The following RALGAPA2 variants were observed in gnomAD, a reference collection of about 807,000 sequenced individuals.
The protein encoded by RALGAPA2 is Ral GTPase activating protein catalytic subunit alpha 2.
A neutral mutation model predicts 230.4 loss-of-function variants in RALGAPA2; 139 were observed. That is an observed-to-expected ratio of 0.60 (90% CI 0.53 to 0.69). RALGAPA2 has a LOEUF of 0.69. RALGAPA2 is among the 30% of genes least tolerant of loss of function. RALGAPA2 has a pLI of 0.00. For synonymous variants in RALGAPA2, 847 were observed against 837.8 expected (o/e 1.01, Z -0.19); for missense variants, 2,163 against 2,276.0 (o/e 0.95, Z 1.01).
At chr20:20,625,077 GCCTATTGGTCTATA>G (rs1051112010) in intron 10 of RALGAPA2, among the ~76,000 whole-genome samples, 1 of 151,988 alleles carries the variant, frequency 6.6e-6, no homozygotes, top group African/African-American at 2.4e-5. Flanking sequence ...ATTTCTGTCT[GCCTATTGGTCTATA>G]CCTGCTTGCT....
rs543476454 is a variant in RALGAPA2 at position 20,640,878 on chromosome 20, T to C, written c.373A>G (p.Ile125Val). Residue 125 changes from isoleucine (I) to valine (V), a missense_variant and splice_region_variant, in exon 6 of 40, where the codon ATA becomes GTA. By Grantham distance (29) the Ile-to-Val change is conservative. Transcript: ENST00000202677. ...KLLHTGNSIKIRCEGIRLFLL... is the reference protein window; with the variant it reads ...KLLHTGNSIKVRCEGIRLFLL... ...AACAGCCTGATTCCTTCACATCTTA[T>C]CTAAAACAAAATTAAAAACAATGAA... is the stretch of plus-strand genomic sequence containing the variant. 53 of 1,602,276 alleles carry C rather than the reference T, an allele frequency of 3.3e-5. No individual in the cohort carries two copies. The South Asian group carries it at 4.9e-4, about 15-fold the overall frequency.
chr20:20,706,016 G>A lies in RALGAPA2; in HGVS notation c.106+6359C>T, dbSNP rs1019727104. Reference sequence around the variant, plus strand: ...CTCTATAGTTTTATATTGATACCCCGTTTGGTAACCAAAAATCAGTACTCT... The same window carrying A: ...CTCTATAGTTTTATATTGATACCCCATTTGGTAACCAAAAATCAGTACTCT... On this transcript the variant is annotated intron_variant, in intron 1 of 39. Transcript: ENST00000202677. Among the ~76,000 whole-genome samples the A allele has an allele frequency of 3.9e-5, 6 of 152,120 alleles. 1 individual carries two copies. The highest frequency in any genetic ancestry group is 6.5e-5 in the Admixed American group (1 of 15,268).
intron 16 of RALGAPA2, among the ~76,000 whole-genome samples, chr20:20,595,054 C>T (rs746365208): frequency 1.3e-5 from 2 of 151,978 alleles, no homozygotes; most frequent in Non-Finnish European, 2.9e-5. Flanking sequence ...TTCGAAACAC[C>T]GAAAAATGAT....
intron 26 of RALGAPA2, among the ~76,000 whole-genome samples, chr20:20,534,361 C>T (rs1456476861): frequency 6.6e-6 from 1 of 151,700 alleles, no homozygotes; most frequent in Non-Finnish European, 1.5e-5. Context: ...AGGAGAATGG[C>T]GTGAACCCGG....
intron 35 of RALGAPA2, among the ~76,000 whole-genome samples, chr20:20,496,332 A>G (rs371580542): frequency 3.3e-5 from 5 of 152,282 alleles, no homozygotes; most frequent in African/African-American, 1.2e-4. Context: ...TGACCGTACC[A>G]TCTCAAGCTG....
At chr20:20,578,313 A>G (rs2064883359) in intron 20 of RALGAPA2, among the ~76,000 whole-genome samples, 1 of 152,124 alleles carries the variant, frequency 6.6e-6, no homozygotes, top group South Asian at 2.1e-4. Flanking sequence ...GGAATTTAAG[A>G]GACTTCAGAC....
At chr20:20,441,418 A>G (rs1200023240) in intron 37 of RALGAPA2, among the ~76,000 whole-genome samples, 1 of 152,212 alleles carries the variant, frequency 6.6e-6, no homozygotes, top group Non-Finnish European at 1.5e-5. Flanking sequence ...CCTTGTTGAA[A>G]CAAACAAACA....
intron 37 of RALGAPA2, among the ~76,000 whole-genome samples, chr20:20,413,985 T>C (rs181381310): frequency 1.3e-3 from 200 of 152,364 alleles, no homozygotes; most frequent in African/African-American, 4.6e-3. Context: ...TGCACAGCAC[T>C]TGGCTGTCGC....
chr20:20,394,560 C>T (rs369419497), intron 39 of RALGAPA2, among the ~76,000 whole-genome samples: 1 of 151,878 alleles, frequency 6.6e-6, no homozygotes, highest in Non-Finnish European at 1.5e-5. Flanking sequence ...GGATTTTGAG[C>T]CTGGGAGGTC....
rs1257439741 is a variant in RALGAPA2 at position 20,512,224 on chromosome 20, T to TACACACACACACACACAC, written c.4856+288_4856+289insGTGTGTGTGTGTGTGTGT. Among the ~76,000 whole-genome samples the TACACACACACACACACAC allele has an allele frequency of 9.4e-5, 13 of 137,784 alleles. No individual in the cohort carries two copies. In the East Asian group the frequency reaches 2.1e-3, roughly 22 times the overall value. The allele number at this position is 137,784 out of a possible 152,430, so 90.4% of individuals were successfully genotyped here. ...AACAAACAACAACAACAACCCCCCC[T>TACACACACACACACACAC]ACACACACACACACATACACACACA... On this transcript the variant is annotated intron_variant, in intron 32 of 39. Coordinates refer to ENST00000202677, the MANE Select transcript of RALGAPA2 (RefSeq NM_020343.4).
chr20:20,524,556 C>A lies in RALGAPA2; in HGVS notation c.3763-13G>T. The A allele has an allele frequency of 1.2e-6, 2 of 1,613,864 alleles. No homozygotes were observed. Among genetic ancestry groups the A allele is most frequent in the Non-Finnish European group, 1.7e-6 (2 of 1,179,834 alleles). On this transcript the variant is annotated splice_polypyrimidine_tract_variant and intron_variant, in intron 29 of 39. Transcript: ENST00000202677. Reference sequence around the variant, plus strand: ...AGGACACAATAAACTGGAAGAAGAACATGCCCGGTAGCTTATGCTGCAGTC... The same window carrying A: ...AGGACACAATAAACTGGAAGAAGAAAATGCCCGGTAGCTTATGCTGCAGTC...
At chr20:20,573,202 A>C in intron 20 of RALGAPA2, 134 bp from the exon 21 acceptor site, 3 of 745,274 alleles carry the variant, frequency 4.0e-6, no homozygotes, top group Non-Finnish European at 6.2e-6. Context: ...CTGAGAATTT[A>C]AAAGGAGAGA....
At position 20,637,514 on chromosome 20, in the gene RALGAPA2, T is replaced by A. The variant is rs1234853693; in HGVS notation, c.667-13A>T. On this transcript the variant is annotated splice_polypyrimidine_tract_variant and intron_variant, in intron 7 of 39. Transcript: ENST00000202677. Reference sequence around the variant, plus strand: ...CCAAGCTCGCAGCCTTTGGATAATATGTGGAAAAGAACATATGTATATTTA... The same window carrying A: ...CCAAGCTCGCAGCCTTTGGATAATAAGTGGAAAAGAACATATGTATATTTA... The A allele has an allele frequency of 3.2e-6, 5 of 1,546,906 alleles. No homozygotes were observed. The highest frequency in any genetic ancestry group is 4.4e-6 in the Non-Finnish European group (5 of 1,144,240).
chr20:20,635,285 G>A lies in RALGAPA2; in HGVS notation c.1005+133C>T, dbSNP rs6112959. On this transcript the variant is annotated intron_variant, in intron 9 of 39. Coordinates refer to ENST00000202677, the MANE Select transcript of RALGAPA2 (RefSeq NM_020343.4). ...AAACCTTGGCATTACAGACAGGGTA[G>A]GCCAATAAAATCACTTACCTATAAC... 100 of 908,536 alleles carry A rather than the reference G, an allele frequency of 1.1e-4. 1 individual carries two copies. The South Asian group carries it at 1.3e-3, about 12-fold the overall frequency. The allele number at this position is 908,536 out of a possible 1,614,324, so 56.3% of individuals were successfully genotyped here.
chr20:20,467,199 G>A (rs1454460949), intron 37 of RALGAPA2, among the ~76,000 whole-genome samples: 1 of 152,172 alleles, frequency 6.6e-6, no homozygotes, highest in Non-Finnish European at 1.5e-5. Context: ...ATACCTGCCA[G>A]ATGATAGTAT....
chr20:20,663,699 C>A (rs1427681876), intron 3 of RALGAPA2, among the ~76,000 whole-genome samples: 1 of 152,136 alleles, frequency 6.6e-6, no homozygotes, highest in African/African-American at 2.4e-5. Flanking sequence ...TCAAGTGATT[C>A]TCAAGCCTCA....
chr20:20,546,589 C>A, intron 24 of RALGAPA2, 115 bp downstream of exon 24: 1 of 1,297,474 alleles, frequency 7.7e-7, no homozygotes, highest in South Asian at 2.3e-5. Flanking sequence ...ACCCTGAGAG[C>A]CCAGTTTCAC....
At chr20:20,660,797 C>T (rs2067751140) in intron 3 of RALGAPA2, among the ~76,000 whole-genome samples, 1 of 152,126 alleles carries the variant, frequency 6.6e-6, no homozygotes, top group African/African-American at 2.4e-5. Context: ...AGAGCCTAGA[C>T]TATGTCTCAC....
intron 15 of RALGAPA2, among the ~76,000 whole-genome samples, chr20:20,603,871 G>A (rs910264640): frequency 6.6e-6 from 1 of 152,158 alleles, no homozygotes; most frequent in Non-Finnish European, 1.5e-5. Flanking sequence ...AAGGCAGCTG[G>A]TATTATTAAA....
Sources: allele counts gnomAD v4.1 joint callset (sites outside exome capture counted in the v4.1 genomes callset), GRCh38; gene constraint gnomAD v4.1.1; transcripts MANE v1.5; gene names NCBI Gene and HGNC (gene_info 2026-07-23, HGNC 2026-07-21).